The following PLEKHG5 variants were observed in gnomAD, a reference collection of about 807,000 sequenced individuals.
PLEKHG5 encodes pleckstrin homology domain-containing family G member 5.
PLEKHG5 carries 52 observed loss-of-function variants against 103.8 expected under a neutral mutation model. The ratio of observed to expected loss-of-function variants is 0.50; its 90% CI spans 0.40 to 0.63. The LOEUF (loss-of-function observed/expected upper bound fraction) is 0.63, where lower values mean the gene tolerates loss of function less well. Among genes scored for constraint, PLEKHG5 ranks in the 30% least tolerant of loss-of-function variants. The pLI, the probability that PLEKHG5 is intolerant of heterozygous loss-of-function variation, is 0.00. For synonymous variants in PLEKHG5, 592 were observed against 575.5 expected (o/e 1.03, Z -0.41); for missense variants, 1,205 against 1,347.6 (o/e 0.89, Z 1.66).
chr1:6,467,292 C>G lies in PLEKHG5; in HGVS notation c.*271G>C. The G allele has an allele frequency of 1.7e-6, 1 of 592,266 alleles. No homozygotes were observed. 36.7% of individuals were successfully genotyped at this position (592,266 alleles called of 1,614,324 possible). On this transcript the variant is annotated 3_prime_UTR_variant, in exon 21 of 21. Coordinates refer to ENST00000377728, the MANE Select transcript of PLEKHG5 (RefSeq NM_020631.6). ...AGAAGTAGGATGGGCAGCCTAGGAG[C>G]CCAGCCCTGAAGACTCGAGCTGAGC...
chr1:6,488,366 G>A (rs909725340), intron 1 of PLEKHG5, among the ~76,000 whole-genome samples: 2 of 152,236 alleles, frequency 1.3e-5, no homozygotes, highest in African/African-American at 4.8e-5. Flanking sequence ...GGCAGGCGTG[G>A]GGCCTGAAGA....
chr1:6,482,859 C>T (rs977289299), intron 1 of PLEKHG5, among the ~76,000 whole-genome samples: 2 of 152,204 alleles, frequency 1.3e-5, no homozygotes, highest in South Asian at 2.1e-4. Context: ...CAAGCACACG[C>T]CACCACACCC....
In PLEKHG5 at chr1:6,470,993, G is replaced by GA; in HGVS notation, c.1388dup (p.Thr464HisfsTer191). ...CCCACGGCACGCGCGCCCTCACCGTGATGTAGGCCCGGAAGAGGTCGTTGT... is the reference window on the plus strand; with the variant it reads ...CCCACGGCACGCGCGCCCTCACCGTGAATGTAGGCCCGGAAGAGGTCGTTGT... On this transcript the variant is annotated frameshift_variant, in exon 13 of 21. Coordinates refer to ENST00000377728, the MANE Select transcript of PLEKHG5 (RefSeq NM_020631.6). LOFTEE classifies it high-confidence loss of function. 1 of 1,601,230 alleles carries GA rather than the reference G, an allele frequency of 6.2e-7. No homozygotes were observed.
At position 6,477,619 on chromosome 1, in the gene PLEKHG5, C is replaced by G; in HGVS notation, c.-48G>C. 3.1e-6 allele frequency: 5 copies of G among 1,609,646 alleles called. No homozygotes were observed. In the South Asian group the frequency reaches 5.5e-5, roughly 18 times the overall value. ...CAGGCCTCGCAGAGGTTGAGGGGCC[C>G]CCGGCGGTGCAGCTGCTGGCAGTCG... is the stretch of plus-strand genomic sequence containing the variant. On this transcript the variant is annotated 5_prime_UTR_variant, in exon 2 of 21. Coordinates refer to ENST00000377728, the MANE Select transcript of PLEKHG5 (RefSeq NM_020631.6).
chr1:6,516,887 CACATATATATATATATAT>C (rs1302445180), intron 1 of PLEKHG5, among the ~76,000 whole-genome samples: 2,187 of 14,546 alleles, frequency 0.15, 81 homozygotes, highest in African/African-American at 0.2. Context: ...TATATATATA[CACATATATATATATATAT>C]ACACACACAC....
At chr1:6,509,347 C>T (rs549802206) in intron 1 of PLEKHG5, among the ~76,000 whole-genome samples, 5 of 152,358 alleles carry the variant, frequency 3.3e-5, no homozygotes, top group African/African-American at 7.2e-5. Context: ...CGCTTCATCC[C>T]GTTCCTGGCA....
At chr1:6,511,004 G>A (rs1039677197) in intron 1 of PLEKHG5, among the ~76,000 whole-genome samples, 3 of 152,042 alleles carry the variant, frequency 2.0e-5, no homozygotes, top group East Asian at 1.9e-4. Flanking sequence ...CAGGAGAGTC[G>A]CTTGAACCTG....
chr1:6,493,911 T>G (rs557001448), upstream of PLEKHG5, among the ~76,000 whole-genome samples: 1 of 151,844 alleles, frequency 6.6e-6, no homozygotes, highest in Non-Finnish European at 1.5e-5. Flanking sequence ...CTGCCCACCT[T>G]GGCCTCCCAA....
chr1:6,472,610 G>T lies in PLEKHG5; in HGVS notation c.997C>A (p.Arg333=), dbSNP rs148232621. 2.1e-5 allele frequency: 34 copies of T among 1,611,602 alleles called. 1 individual carries two copies. The highest frequency in any genetic ancestry group is 2.9e-5 in the Non-Finnish European group (34 of 1,178,810). Residue 333 remains arginine, a synonymous_variant, in exon 10 of 21, where the codon CGG becomes AGG. Transcript: ENST00000377728. ...ACCGCCTCCTGCTGGTGGCACTGCC[G>T]CCGGGTCAGCTTCTAGAGGGAGGGC... ...LIDGHEKLTR[R]QCHQQEAVWE...
intron 6 of PLEKHG5, 63 bp downstream of exon 6, chr1:6,474,388 G>A: frequency 1.3e-6 from 2 of 1,594,924 alleles, no homozygotes; most frequent in Non-Finnish European, 8.6e-7. Context: ...CCTGGGAAGG[G>A]CGCCCATCTC....
chr1:6,484,814 G>C (rs560727873), intron 1 of PLEKHG5, among the ~76,000 whole-genome samples: 1 of 152,228 alleles, frequency 6.6e-6, no homozygotes, highest in Non-Finnish European at 1.5e-5. Flanking sequence ...CCACCCATGG[G>C]AACAGCCAGC....
At chr1:6,468,870 T>C (rs1644476853) in intron 19 of PLEKHG5, among the ~76,000 whole-genome samples, 172 bp downstream of exon 19, 2 of 152,092 alleles carry the variant, frequency 1.3e-5, no homozygotes, top group Admixed American at 1.3e-4. Flanking sequence ...TGGCAGCACA[T>C]GGAAAGGTGT....
intron 1 of PLEKHG5, among the ~76,000 whole-genome samples, chr1:6,510,910 G>C (rs1156400787): frequency 6.6e-6 from 1 of 152,138 alleles, no homozygotes; most frequent in Non-Finnish European, 1.5e-5. Flanking sequence ...CCAACATGAT[G>C]ACATCCCGTC....
intron 1 of PLEKHG5, among the ~76,000 whole-genome samples, chr1:6,504,782 G>T (rs1382911478): frequency 6.6e-6 from 1 of 152,082 alleles, no homozygotes; most frequent in Non-Finnish European, 1.5e-5. Context: ...TGTTAGTCAG[G>T]CTGGTCTCGA....
chr1:6,509,570 G>A (rs1252145382), intron 1 of PLEKHG5, among the ~76,000 whole-genome samples: 2 of 152,204 alleles, frequency 1.3e-5, no homozygotes, highest in African/African-American at 4.8e-5. Flanking sequence ...CGTAGGCTCT[G>A]GGGCACTTTT....
At chr1:6,507,596 T>C (rs1252112861) in intron 1 of PLEKHG5, among the ~76,000 whole-genome samples, 1 of 150,182 alleles carries the variant, frequency 6.7e-6, no homozygotes, top group African/African-American at 2.4e-5. Flanking sequence ...CAGAGGGAGC[T>C]GGCAGCAGAA....
chr1:6,472,380 C>G, intron 10 of PLEKHG5, 147 bp downstream of exon 10: 3 of 694,312 alleles, frequency 4.3e-6, no homozygotes, highest in Non-Finnish European at 7.7e-6. Flanking sequence ...GGAGGCACCT[C>G]CTCCCTGGGC....
chr1:6,474,778 C>T, intron 5 of PLEKHG5, 191 bp from the exon 6 acceptor site: 1 of 676,142 alleles, frequency 1.5e-6, no homozygotes. Flanking sequence ...CACACAGGCG[C>T]ATCTGCATAC....
In PLEKHG5 at chr1:6,468,174, C is replaced by T; in HGVS notation, c.2662G>A (p.Gly888Arg). The change falls in exon 20 of 21, where the codon GGG (glycine) becomes AGG (arginine). Residue 888 changes from glycine to arginine, a missense_variant. Physicochemically the swap from Gly to Arg is moderately radical, Grantham distance 125. Coordinates refer to ENST00000377728, the MANE Select transcript of PLEKHG5 (RefSeq NM_020631.6). ...SEASLLQLLAGAGTHGTPSAP... is the reference protein window; with the variant it reads ...SEASLLQLLARAGTHGTPSAP... ...GAGGGTGTCCCATGGGTGCCAGCCCCTGCCAGCAGCTGGAGGAGGCTGGCC... is the reference window on the plus strand; with the variant it reads ...GAGGGTGTCCCATGGGTGCCAGCCCTTGCCAGCAGCTGGAGGAGGCTGGCC... 6.4e-7 allele frequency: 1 copy of T among 1,568,740 alleles called. No individual in the cohort carries two copies. Among genetic ancestry groups the T allele is most frequent in the Non-Finnish European group, 8.7e-7 (1 of 1,155,906 alleles).
Sources: gnomAD v4.1 joint callset for allele counts (sites outside exome capture counted in the v4.1 genomes callset) on GRCh38, gnomAD v4.1.1 for gene constraint, MANE v1.5 for transcripts, NCBI Gene and HGNC (gene_info 2026-07-23, HGNC 2026-07-21) for gene names.